The following PKHD1 variants were observed in gnomAD, a reference collection of about 807,000 sequenced individuals.
The protein encoded by PKHD1 is PKHD1 ciliary IPT domain containing fibrocystin/polyductin.
In PKHD1, 291 loss-of-function variants were observed where a neutral mutation model predicts 412.0. That is an observed-to-expected ratio of 0.71 (90% CI 0.64 to 0.78). The LOEUF is 0.78. Ranked by LOEUF, PKHD1 falls within the 30% of genes least tolerant of loss-of-function variation. The probability of loss-of-function intolerance (pLI) is 0.00; values close to 1 mark genes in which losing one functional copy is unlikely to be tolerated. For synonymous variants in PKHD1, 1,777 were observed against 1,821.5 expected (o/e 0.98, Z 0.62); for missense variants, 4,825 against 4,950.7 (o/e 0.97, Z 0.76).
intron 37 of PKHD1, among the ~76,000 whole-genome samples, chr6:51,913,587 A>G (rs1402741444): frequency 1.3e-5 from 2 of 152,084 alleles, no homozygotes. Flanking sequence ...CTCTTTTGCA[A>G]TGGATGATAA....
At chr6:51,883,997 C>T (rs1777803788) in intron 45 of PKHD1, among the ~76,000 whole-genome samples, 1 of 152,128 alleles carries the variant, frequency 6.6e-6, no homozygotes, top group Non-Finnish European at 1.5e-5. Flanking sequence ...TTCCAAGCCT[C>T]CAGAATCATG....
chr6:51,844,336 T>C (rs2151604372), intron 50 of PKHD1, among the ~76,000 whole-genome samples: 1 of 152,292 alleles, frequency 6.6e-6, no homozygotes, highest in South Asian at 2.1e-4. Flanking sequence ...CCAAAAAAAC[T>C]GCACTCCGTG....
intron 66 of PKHD1, among the ~76,000 whole-genome samples, chr6:51,620,401 C>T (rs1766456079): frequency 6.6e-6 from 1 of 152,016 alleles, no homozygotes. Flanking sequence ...CAGTGGGATA[C>T]ATGCATGGGA....
At chr6:51,730,100 T>C (rs1783060279) in intron 60 of PKHD1, among the ~76,000 whole-genome samples, 1 of 152,208 alleles carries the variant, frequency 6.6e-6, no homozygotes, top group Non-Finnish European at 1.5e-5. Flanking sequence ...TTTGTTCCTT[T>C]TTGTTCTTAA....
Position 51,909,303 on chromosome 6 carries a change from G to A in PKHD1, c.6662C>T (p.Thr2221Ile), listed in dbSNP as rs1410293733. The A allele has an allele frequency of 6.2e-7, 1 of 1,613,110 alleles. No individual in the cohort carries two copies. The highest frequency in any genetic ancestry group is 8.5e-7 in the Non-Finnish European group (1 of 1,179,274). ...CTTACCTCTCATAGCTCCCACCAGA[G>A]TGAGTGAGCTCAGATGCTTATGGAA... ...QAFHKHLSSL[T>I]LVGAMRESFI... Residue 2221 changes from threonine to isoleucine, a missense_variant, in exon 40 of 67, where the codon ACT (threonine) becomes ATT (isoleucine). Transcript: ENST00000371117.
intron 35 of PKHD1, among the ~76,000 whole-genome samples, chr6:51,987,040 G>A (rs190526575): frequency 6.6e-6 from 1 of 152,308 alleles, no homozygotes; most frequent in Admixed American, 6.5e-5. Flanking sequence ...AATGCTAGGT[G>A]TGGTTGATTA....
At chr6:51,682,153 T>G (rs1776761351) in intron 60 of PKHD1, 1 of 449,372 alleles carries the variant, frequency 2.2e-6, no homozygotes, top group African/African-American at 2.0e-5. Flanking sequence ...TATTCTTAGA[T>G]GCATCTTTTC....
intron 57 of PKHD1, among the ~76,000 whole-genome samples, chr6:51,751,237 T>C (rs866752638): frequency 2.6e-5 from 4 of 152,292 alleles, no homozygotes; most frequent in African/African-American, 9.6e-5. Flanking sequence ...TCAAAAGTCT[T>C]GGCCTGCTTT....
At chr6:51,965,820 A>G (rs1316155904) in intron 35 of PKHD1, among the ~76,000 whole-genome samples, 1 of 152,028 alleles carries the variant, frequency 6.6e-6, no homozygotes, top group Non-Finnish European at 1.5e-5. Context: ...TCAGTGCTTC[A>G]TATATCTAAG....
At chr6:51,845,246 C>T (rs1770936354) in intron 50 of PKHD1, among the ~76,000 whole-genome samples, 1 of 152,294 alleles carries the variant, frequency 6.6e-6, no homozygotes, top group South Asian at 2.1e-4. Context: ...AGATGATATC[C>T]AAAATTACAG....
intron 36 of PKHD1, among the ~76,000 whole-genome samples, chr6:51,951,466 G>C (rs550951098): frequency 6.6e-6 from 1 of 151,852 alleles, no homozygotes; most frequent in African/African-American, 2.4e-5. Flanking sequence ...TCTCATTTTT[G>C]ACCAGCCTGC....
chr6:51,672,787 T>C (rs1775212420), intron 60 of PKHD1, among the ~76,000 whole-genome samples: 1 of 152,214 alleles, frequency 6.6e-6, no homozygotes, highest in South Asian at 2.1e-4. Context: ...AAAATGCACA[T>C]GGCAATGAGT....
rs760043541 is a variant in PKHD1, at chr6:51,619,310, C to CA, written c.11995dup (p.Trp3999LeufsTer41). ...GAGCAACTGCTCTTGGCCCTCCTTC[C>CA]AGTTCCCAGTCTCTTGCAGGTACAC... On this transcript the variant is annotated frameshift_variant, in exon 67 of 67. Coordinates refer to ENST00000371117, the MANE Select transcript of PKHD1 (RefSeq NM_138694.4). LOFTEE classifies it low-confidence loss of function (END_TRUNC). 1.2e-6 allele frequency: 2 copies of CA among 1,614,270 alleles called. No individual in the cohort carries two copies. Among genetic ancestry groups the CA allele is most frequent in the South Asian group, 2.2e-5 (2 of 91,092 alleles).
intron 36 of PKHD1, among the ~76,000 whole-genome samples, chr6:51,956,276 G>A (rs894714141): frequency 6.7e-6 from 1 of 148,340 alleles, no homozygotes; most frequent in Non-Finnish European, 1.5e-5. Flanking sequence ...ATGTGAATAT[G>A]TAAGTGTATA....
chr6:52,046,242 C>T, intron 23 of PKHD1, 54 bp from the exon 24 acceptor site: 1 of 1,332,564 alleles, frequency 7.5e-7, no homozygotes, highest in South Asian at 1.2e-5. Flanking sequence ...ATCCACCTTA[C>T]AGAGTTTCAT....
At chr6:51,987,685 C>T (rs974024807) in intron 35 of PKHD1, among the ~76,000 whole-genome samples, 2 of 149,038 alleles carry the variant, frequency 1.3e-5, no homozygotes, top group Admixed American at 1.3e-4. Flanking sequence ...AAAGGTGAGC[C>T]CAATCAGTTT....
At chr6:51,638,735 C>A in intron 64 of PKHD1, 114 bp downstream of exon 64, 1 of 737,580 alleles carries the variant, frequency 1.4e-6, no homozygotes. Context: ...ATTTTCTAAA[C>A]TATGATGACC....
chr6:51,812,279 C>T (rs1199199886), intron 52 of PKHD1, among the ~76,000 whole-genome samples: 3 of 152,118 alleles, frequency 2.0e-5, no homozygotes, highest in Non-Finnish European at 4.4e-5. Context: ...TTTCCATTGA[C>T]TTTTATGCAT....
At chr6:51,670,687 A>C (rs1040108159) in intron 60 of PKHD1, among the ~76,000 whole-genome samples, 1 of 152,024 alleles carries the variant, frequency 6.6e-6, no homozygotes, top group African/African-American at 2.4e-5. Context: ...GGCTGGTACC[A>C]GTTGTGCCTT....
Sources: allele counts gnomAD v4.1 joint callset (sites outside exome capture counted in the v4.1 genomes callset), GRCh38; gene constraint gnomAD v4.1.1; transcripts MANE v1.5; gene names NCBI Gene and HGNC (gene_info 2026-07-23, HGNC 2026-07-21).